ARL5A: variants seen among roughly 807,000 people sequenced by gnomAD.
ARL5A encodes the protein ARF like GTPase 5A.
A neutral mutation model predicts 25.9 loss-of-function variants in ARL5A; 18 were observed. The ratio of observed to expected loss-of-function variants is 0.69; its 90% CI spans 0.48 to 1.03. ARL5A has a LOEUF of 1.03. Ranked by LOEUF, ARL5A falls within the 50% of genes least tolerant of loss-of-function variation. The pLI is 0.00. For missense variants in ARL5A, 170 were observed against 211.9 expected (o/e 0.80, Z 1.23); for synonymous variants, 61 against 67.5 (o/e 0.90, Z 0.47).
At chr2:151,819,547 A>G (rs527379229) in intron 1 of ARL5A, among the ~76,000 whole-genome samples, 2 of 152,360 alleles carry the variant, frequency 1.3e-5, no homozygotes, top group African/African-American at 4.8e-5. Context: ...ATTGAATAAT[A>G]GTAGGACATA....
intron 1 of ARL5A, among the ~76,000 whole-genome samples, chr2:151,824,033 G>C (rs939913273): frequency 6.6e-6 from 1 of 152,150 alleles, no homozygotes; most frequent in Non-Finnish European, 1.5e-5. Context: ...ACGTTTAAAG[G>C]ACCTAGCTCC....
chr2:151,807,122 T>C, intron 4 of ARL5A, 150 bp from the exon 5 acceptor site: 2 of 690,718 alleles, frequency 2.9e-6, no homozygotes, highest in South Asian at 4.1e-5. Flanking sequence ...ATAACACATT[T>C]TTTATACTTG....
intron 4 of ARL5A, among the ~76,000 whole-genome samples, chr2:151,811,448 T>A (rs1392165564): frequency 1.1e-4 from 16 of 152,096 alleles, no homozygotes; most frequent in Non-Finnish European, 2.2e-4. Flanking sequence ...AAATACTATA[T>A]AAACAGTATA....
At chr2:151,828,100 A>C (rs771105325) in intron 1 of ARL5A, 31 bp downstream of exon 1, 11 of 1,601,512 alleles carry the variant, frequency 6.9e-6, no homozygotes, top group Non-Finnish European at 9.4e-6. Context: ...CCCTCTCCCC[A>C]ACCCGTACGC....
chr2:151,824,021 A>G (rs1048195087), intron 1 of ARL5A, among the ~76,000 whole-genome samples: 2 of 152,238 alleles, frequency 1.3e-5, no homozygotes, highest in African/African-American at 2.4e-5. Flanking sequence ...GGCAAAAGAA[A>G]AACGTTTAAA....
At chr2:151,811,730 C>T (rs1028135125) in intron 4 of ARL5A, among the ~76,000 whole-genome samples, 2 of 152,094 alleles carry the variant, frequency 1.3e-5, no homozygotes, top group African/African-American at 4.8e-5. Context: ...TGCCACCACA[C>T]CTGGCTAATT....
intron 1 of ARL5A, among the ~76,000 whole-genome samples, chr2:151,816,341 T>A (rs1016668928): frequency 1.3e-5 from 2 of 152,206 alleles, no homozygotes; most frequent in African/African-American, 4.8e-5. Context: ...GCAGCCTGGT[T>A]GAACCTACAG....
chr2:151,826,525 G>A (rs2099833074), intron 1 of ARL5A, among the ~76,000 whole-genome samples: 1 of 152,122 alleles, frequency 6.6e-6, no homozygotes, highest in East Asian at 1.9e-4. Context: ...TCTTTTTCTG[G>A]CAGCACTAGA....
intron 1 of ARL5A, among the ~76,000 whole-genome samples, chr2:151,824,450 T>C (rs1578383591): frequency 6.6e-6 from 1 of 151,962 alleles, no homozygotes; most frequent in South Asian, 2.1e-4. Flanking sequence ...AGCTTCCATA[T>C]GTACTCTTCT....
In ARL5A at chr2:151,801,932, C is replaced by G. The variant is rs144730760; in HGVS notation, c.*1344G>C. On this transcript the variant is annotated 3_prime_UTR_variant, in exon 6 of 6. Transcript: ENST00000295087. ...ACAGTTGTGACAGGAATACCTTTGA[C>G]TTTCAGACACTGAAAAAATATACCC... 1 of 152,060 alleles carries G rather than the reference C, an allele frequency of 6.6e-6. No individual in the cohort carries two copies. The highest frequency in any genetic ancestry group is 1.5e-5 in the Non-Finnish European group (1 of 67,934). 9.4% of individuals were successfully genotyped at this position (152,060 alleles called of 1,614,324 possible).
rs1227105997 is a variant in ARL5A, at chr2:151,820,638, C to T, written c.47-5439G>A. ...TTGTGTCACTGCACTCCAGCCTGGG[C>T]GACAGAGTGAGATCCTGTCTCCAAA... On this transcript the variant is annotated intron_variant, in intron 1 of 5. Transcript: ENST00000295087. Among the ~76,000 whole-genome samples the T allele has an allele frequency of 8.3e-5, 9 of 108,260 alleles. No homozygotes were observed. The South Asian group carries it at 9.8e-4, about 12-fold the overall frequency. 71.0% of individuals were successfully genotyped at this position (108,260 alleles called of 152,430 possible).
At position 151,821,927 on chromosome 2, in the gene ARL5A, G is replaced by A. The variant is rs544265165; in HGVS notation, c.46+6204C>T. Among the ~76,000 whole-genome samples the A allele has an allele frequency of 1.7e-4, 26 of 151,804 alleles. No homozygotes were observed. In the East Asian group the frequency reaches 4.7e-3, roughly 27 times the overall value. ...TGCAATGGCATGATCTCGGCTCACT[G>A]CAACCTCTGCCTCCCAGGTTCAAGG... is the stretch of plus-strand genomic sequence containing the variant. On this transcript the variant is annotated intron_variant, in intron 1 of 5. Coordinates refer to ENST00000295087, the MANE Select transcript of ARL5A (RefSeq NM_012097.4).
intron 1 of ARL5A, among the ~76,000 whole-genome samples, chr2:151,817,493 A>G (rs1245587374): frequency 6.6e-6 from 1 of 152,258 alleles, no homozygotes; most frequent in Non-Finnish European, 1.5e-5. Flanking sequence ...TGTTTTCCAT[A>G]TAATTGCCAC....
At chr2:151,803,361 A>C in intron 5 of ARL5A, 37 bp from the exon 6 acceptor site, 1 of 1,524,152 alleles carries the variant, frequency 6.6e-7, no homozygotes, top group Non-Finnish European at 9.1e-7. Flanking sequence ...TAAATTCTGA[A>C]CTAAGAAGCT....
chr2:151,806,992 T>A lies in ARL5A; in HGVS notation c.340-20A>T. Reference sequence around the variant, plus strand: ...TAGGTCCTATTAAAGCAAATAAAACTGTAAAGGCCAATACATTTTCCACAT... The same window carrying A: ...TAGGTCCTATTAAAGCAAATAAAACAGTAAAGGCCAATACATTTTCCACAT... On this transcript the variant is annotated intron_variant, in intron 4 of 5. Coordinates refer to ENST00000295087, the MANE Select transcript of ARL5A (RefSeq NM_012097.4). The A allele has an allele frequency of 6.3e-7, 1 of 1,580,660 alleles. No homozygotes were observed. Among genetic ancestry groups the A allele is most frequent in the Non-Finnish European group, 8.6e-7 (1 of 1,167,400 alleles).
intron 5 of ARL5A, among the ~76,000 whole-genome samples, chr2:151,805,412 T>TAAC (rs2099829962): frequency 6.6e-6 from 1 of 152,202 alleles, no homozygotes; most frequent in African/African-American, 2.4e-5. Flanking sequence ...TGTCCTTTCC[T>TAAC]AACACCTCAA....
intron 1 of ARL5A, among the ~76,000 whole-genome samples, chr2:151,820,767 G>A (rs72866502): frequency 0.032 from 4,796 of 151,810 alleles, 110 homozygotes; most frequent in Non-Finnish European, 0.049. Flanking sequence ...AAATGAAGTG[G>A]CTAGCCATGG....
chr2:151,803,287 T>C lies in ARL5A; in HGVS notation c.529A>G (p.Lys177Glu), dbSNP rs189649167. The change falls in exon 6 of 6, where the codon AAG becomes GAG. Residue 177 changes from lysine to glutamate, a missense_variant. Physicochemically the swap from Lys to Glu is moderately conservative, Grantham distance 56. Coordinates refer to ENST00000295087, the MANE Select transcript of ARL5A (RefSeq NM_012097.4). ...GAGGTCAGTAGAGATCATCTAATCT[T>C]AAGTCGTGACATCATCCATTCAAGT... ...QGLEWMMSRL[K>E]IR is the part of the protein sequence containing the mutation. 1.9e-6 allele frequency: 3 copies of C among 1,612,896 alleles called. No homozygotes were observed. Among genetic ancestry groups the C allele is most frequent in the Admixed American group, 3.3e-5 (2 of 60,014 alleles).
chr2:151,828,079 G>C, intron 1 of ARL5A, 52 bp downstream of exon 1: 1 of 1,585,608 alleles, frequency 6.3e-7, no homozygotes, highest in Non-Finnish European at 8.6e-7. Flanking sequence ...CACCTAGCCG[G>C]CCCGAGCTGA....
Sources: allele counts gnomAD v4.1 joint callset (sites outside exome capture counted in the v4.1 genomes callset), GRCh38; gene constraint gnomAD v4.1.1; transcripts MANE v1.5; gene names NCBI Gene and HGNC (gene_info 2026-07-23, HGNC 2026-07-21).